Variants in ADAMTSL3 observed in about 807,000 individuals in gnomAD.
The protein encoded by ADAMTSL3 is ADAMTS like 3.
In ADAMTSL3, 128 loss-of-function variants were observed where a neutral mutation model predicts 201.7. The observed-to-expected ratio is 0.63, with a 90% confidence interval of 0.55 to 0.73. ADAMTSL3 has a LOEUF of 0.73. Among genes scored for constraint, ADAMTSL3 ranks in the 30% least tolerant of loss-of-function variants. The pLI is 0.00. For missense variants in ADAMTSL3, 1,990 were observed against 2,119.6 expected (o/e 0.94, Z 1.20); for synonymous variants, 738 against 748.4 (o/e 0.99, Z 0.23).
intron 4 of ADAMTSL3, among the ~76,000 whole-genome samples, chr15:83,803,158 C>T (rs1331823930): frequency 2.0e-5 from 3 of 152,070 alleles, no homozygotes; most frequent in African/African-American, 7.2e-5. Context: ...ATGGCAGAAA[C>T]AGTGGAGGAT....
chr15:83,982,230 G>A (rs1408958079), intron 20 of ADAMTSL3, 43 bp from the exon 21 acceptor site: 1 of 1,477,682 alleles, frequency 6.8e-7, no homozygotes, highest in South Asian at 1.3e-5. Flanking sequence ...TTTTTGAGAT[G>A]TTTATTCGTA....
At chr15:83,809,051 A>AT (rs2063651231) in intron 5 of ADAMTSL3, among the ~76,000 whole-genome samples, 1 of 152,082 alleles carries the variant, frequency 6.6e-6, no homozygotes, top group African/African-American at 2.4e-5. Context: ...AGGAAGGATG[A>AT]TTTTTGGTGT....
intron 3 of ADAMTSL3, among the ~76,000 whole-genome samples, chr15:83,707,089 A>G (rs1251028456): frequency 6.6e-6 from 1 of 152,220 alleles, no homozygotes; most frequent in Non-Finnish European, 1.5e-5. Flanking sequence ...CAAAACATTA[A>G]GATCAATTAA....
intron 3 of ADAMTSL3, among the ~76,000 whole-genome samples, chr15:83,721,720 A>G (rs1250586408): frequency 2.0e-5 from 3 of 151,978 alleles, no homozygotes; most frequent in Non-Finnish European, 4.4e-5. Flanking sequence ...ACACTAGCAT[A>G]TTTATGTGTT....
chr15:83,732,614 CTA>C (rs2062298410), intron 3 of ADAMTSL3, among the ~76,000 whole-genome samples: 1 of 152,064 alleles, frequency 6.6e-6, no homozygotes, highest in African/African-American at 2.4e-5. Flanking sequence ...CTCTAGAAAT[CTA>C]TTAGAAACTA....
At chr15:83,827,640 T>A (rs918955481) in intron 6 of ADAMTSL3, among the ~76,000 whole-genome samples, 8 of 152,344 alleles carry the variant, frequency 5.3e-5, no homozygotes, top group Non-Finnish European at 1.0e-4. Context: ...TTTTTATGGT[T>A]TTAGGTCTAA....
At chr15:83,860,569 CT>C (rs1341639886) in intron 8 of ADAMTSL3, among the ~76,000 whole-genome samples, 3 of 152,152 alleles carry the variant, frequency 2.0e-5, no homozygotes, top group Non-Finnish European at 4.4e-5. Context: ...AATGGATGGT[CT>C]TGATATTCTC....
chr15:83,861,970 T>G (rs1409037571), intron 8 of ADAMTSL3: 1 of 152,132 alleles, frequency 6.6e-6, no homozygotes, highest in Non-Finnish European at 1.5e-5. Flanking sequence ...ACGTGACGAA[T>G]GCACAAGCCT....
intron 4 of ADAMTSL3, among the ~76,000 whole-genome samples, chr15:83,800,640 C>A (rs1007055401): frequency 6.6e-6 from 1 of 152,088 alleles, no homozygotes; most frequent in Non-Finnish European, 1.5e-5. Flanking sequence ...AAGAAAATGC[C>A]ATTTTTATTA....
At chr15:83,968,454 A>G (rs986719413) in intron 19 of ADAMTSL3, among the ~76,000 whole-genome samples, 2 of 152,264 alleles carry the variant, frequency 1.3e-5, no homozygotes, top group African/African-American at 4.8e-5. Context: ...AATCAAAACC[A>G]CAATGAGATA....
At chr15:83,669,414 G>A (rs1278622875) in intron 2 of ADAMTSL3, among the ~76,000 whole-genome samples, 7 of 145,466 alleles carry the variant, frequency 4.8e-5, no homozygotes, top group Non-Finnish European at 9.0e-5. Context: ...AAAGTACTGA[G>A]ATCACAGGCG....
intron 16 of ADAMTSL3, among the ~76,000 whole-genome samples, chr15:83,915,540 C>T (rs2066019537): frequency 6.6e-6 from 1 of 151,722 alleles, no homozygotes; most frequent in African/African-American, 2.4e-5. Flanking sequence ...ATAGAATGCG[C>T]ACACTGTACA....
At chr15:83,703,101 C>A (rs760621368) in intron 2 of ADAMTSL3, among the ~76,000 whole-genome samples, 7 of 152,100 alleles carry the variant, frequency 4.6e-5, no homozygotes, top group Non-Finnish European at 8.8e-5. Flanking sequence ...TTTGACCGCC[C>A]CACTAGATTT....
chr15:84,014,364 G>C (rs1171278708), intron 23 of ADAMTSL3, among the ~76,000 whole-genome samples, 178 bp from the exon 24 acceptor site: 1 of 152,182 alleles, frequency 6.6e-6, no homozygotes, highest in East Asian at 1.9e-4. Context: ...TTTGCTTTAA[G>C]AGGATCCTCC....
rs981195760 is a variant in ADAMTSL3 at position 83,654,551 on chromosome 15, G to A, written c.-34+275G>A. ...GCTGAGGGGCGTTCTTGATTATGGG[G>A]GAACTCCACAGGGTTGGAGTTTTTC... On this transcript the variant is annotated intron_variant, in intron 1 of 29. Coordinates refer to ENST00000286744, the MANE Select transcript of ADAMTSL3 (RefSeq NM_207517.3). This position sits in a 1 kb window ranked among gnomAD's most constrained non-coding sequence, Gnocchi z 5.3. Among the ~76,000 whole-genome samples, 1 of 152,090 alleles carries A rather than the reference G, an allele frequency of 6.6e-6. No homozygotes were observed. The highest frequency in any genetic ancestry group is 2.4e-5 in the African/African-American group (1 of 41,432).
chr15:83,934,254 C>A (rs531250441), intron 17 of ADAMTSL3, among the ~76,000 whole-genome samples: 2 of 152,324 alleles, frequency 1.3e-5, no homozygotes, highest in South Asian at 4.1e-4. Context: ...TCAGTGTGAC[C>A]TGTATGCGAC....
rs1792067542 is a variant in ADAMTSL3, at chr15:83,982,529, A to G, written c.2901A>G (p.Leu967=). ...KRLGITKSGS[L]KIHGLAAPDI... ...TTGGCATCACCAAGTCAGGCTCACT[A>G]AAAATCCATGGTCTTGCTGCCCCCG... is the stretch of plus-strand genomic sequence containing the variant. The change falls in exon 21 of 30, where the codon CTA becomes CTG. Residue 967 remains leucine, a synonymous_variant. Coordinates refer to ENST00000286744, the MANE Select transcript of ADAMTSL3 (RefSeq NM_207517.3). 1.2e-6 allele frequency: 2 copies of G among 1,614,160 alleles called. No homozygotes were observed. The highest frequency in any genetic ancestry group is 8.5e-7 in the Non-Finnish European group (1 of 1,180,010).
chr15:83,746,952 G>A (rs2062557183), intron 3 of ADAMTSL3, among the ~76,000 whole-genome samples: 2 of 152,174 alleles, frequency 1.3e-5, no homozygotes, highest in African/African-American at 4.8e-5. Flanking sequence ...TGTAATATAT[G>A]GCAATAATAT....
At chr15:84,031,203 C>T (rs913849006) in intron 27 of ADAMTSL3, 132 bp from the exon 28 acceptor site, 11 of 826,722 alleles carry the variant, frequency 1.3e-5, no homozygotes, top group African/African-American at 5.0e-5. Context: ...CTCTTTAACT[C>T]CCCCCTGGGG....
Sources: gnomAD v4.1 joint callset for allele counts (sites outside exome capture counted in the v4.1 genomes callset) on GRCh38, gnomAD v4.1.1 for gene constraint, Gnocchi (gnomAD v3.1) non-coding constraint, MANE v1.5 for transcripts, NCBI Gene and HGNC (gene_info 2026-07-23, HGNC 2026-07-21) for gene names.